The following SLC43A2 variants were observed in gnomAD, a reference collection of about 807,000 sequenced individuals.
SLC43A2 encodes large neutral amino acids transporter small subunit 4.
In SLC43A2, 38 loss-of-function variants were observed where a neutral mutation model predicts 63.2. That is an observed-to-expected ratio of 0.60 (90% CI 0.46 to 0.79). The LOEUF (loss-of-function observed/expected upper bound fraction) is 0.79, where lower values mean the gene tolerates loss of function less well. Among genes scored for constraint, SLC43A2 ranks in the 30% least tolerant of loss-of-function variants. The probability of loss-of-function intolerance (pLI) is 0.00; values close to 1 mark genes in which losing one functional copy is unlikely to be tolerated. For missense variants in SLC43A2, 644 were observed against 756.2 expected, an observed-to-expected ratio of 0.85 and a Z score of 1.74; for synonymous variants, 322 against 331.0, an observed-to-expected ratio of 0.97 and a Z score of 0.30.
At position 1,576,749 on chromosome 17, in the gene SLC43A2, T is replaced by C; in HGVS notation, c.1425-29A>G. ...CAGGGCAAGCGACAGCTCACAGCCA[T>C]CCTGCCTCCTGGGCTTTGCTTGGCC... On this transcript the variant is annotated intron_variant, in intron 12 of 13. Coordinates refer to ENST00000301335, the MANE Select transcript of SLC43A2 (RefSeq NM_152346.3). The C allele has an allele frequency of 1.9e-6, 3 of 1,603,274 alleles. No homozygotes were observed. The South Asian group carries it at 3.3e-5, about 18-fold the overall frequency.
intron 6 of SLC43A2, among the ~76,000 whole-genome samples, chr17:1,592,027 G>A (rs919087298): frequency 2.0e-5 from 3 of 152,216 alleles, no homozygotes; most frequent in Non-Finnish European, 2.9e-5. Context: ...CTCCTGGTCC[G>A]TCGGCTTGTC....
At chr17:1,618,576 G>A (rs1300737170) in intron 2 of SLC43A2, among the ~76,000 whole-genome samples, 1 of 152,238 alleles carries the variant, frequency 6.6e-6, no homozygotes, top group East Asian at 1.9e-4. Flanking sequence ...GCAAAGACAT[G>A]TCTAATCCCC....
intron 5 of SLC43A2, among the ~76,000 whole-genome samples, chr17:1,596,225 C>A (rs1316793672): frequency 2.0e-5 from 3 of 151,976 alleles, no homozygotes; most frequent in Non-Finnish European, 4.4e-5. Context: ...GAGGCTGAGA[C>A]AGGAGAATCC....
At chr17:1,597,382 G>A (rs1905401927) in intron 5 of SLC43A2, among the ~76,000 whole-genome samples, 1 of 151,390 alleles carries the variant, frequency 6.6e-6, no homozygotes, top group Non-Finnish European at 1.5e-5. Flanking sequence ...ACGTGCACCT[G>A]TAATCCCAGC....
At chr17:1,576,480 C>A in intron 13 of SLC43A2, 117 bp downstream of exon 13, 2 of 1,208,222 alleles carry the variant, frequency 1.7e-6, no homozygotes, top group Non-Finnish European at 2.3e-6. Flanking sequence ...TTAACCAATC[C>A]TAACCAACGC....
chr17:1,589,809 G>A (rs1380662881), intron 9 of SLC43A2, among the ~76,000 whole-genome samples: 3 of 152,014 alleles, frequency 2.0e-5, no homozygotes, highest in Admixed American at 2.0e-4. Context: ...TAGTAGAGAT[G>A]GGGGTTTCAC....
chr17:1,613,545 C>T (rs1021115182), intron 4 of SLC43A2, among the ~76,000 whole-genome samples: 2 of 152,150 alleles, frequency 1.3e-5, no homozygotes, highest in African/African-American at 4.8e-5. Context: ...CTCTGACTCC[C>T]GGGTTCAAGT....
In SLC43A2 at chr17:1,583,278, G is replaced by T. The variant is rs370279486; in HGVS notation, c.1276C>A (p.Arg426=). 4 of 1,614,164 alleles carry T rather than the reference G, an allele frequency of 2.5e-6. No homozygotes were observed. The highest frequency in any genetic ancestry group is 2.5e-6 in the Non-Finnish European group (3 of 1,180,018). ...AGCAGGTTGGTGAAGGCGAAGGCCC[G>T]CATGGCATTAGTGATCTTCTGGATC... The part of the protein sequence containing the change: ...RQIQKITNAM[R]AFAFTNLLLV... Residue 426 remains arginine (R), a synonymous_variant, in exon 11 of 14, where the codon CGG becomes AGG. Coordinates refer to ENST00000301335, the MANE Select transcript of SLC43A2 (RefSeq NM_152346.3). This position sits in a 1 kb window ranked among gnomAD's most constrained non-coding sequence, Gnocchi z 5.5.
chr17:1,580,273 A>G (rs2075992109), intron 11 of SLC43A2, among the ~76,000 whole-genome samples: 1 of 152,156 alleles, frequency 6.6e-6, no homozygotes, highest in Admixed American at 6.5e-5. Context: ...CTCCAGTTCC[A>G]CAGTCAGTGG....
chr17:1,586,422 C>T (rs745825082), intron 9 of SLC43A2, among the ~76,000 whole-genome samples: 6 of 152,092 alleles, frequency 3.9e-5, no homozygotes, highest in South Asian at 2.1e-4. Flanking sequence ...AACGGCTGGG[C>T]GCGGTGGCTC....
chr17:1,582,021 A>G (rs946060244), intron 11 of SLC43A2, among the ~76,000 whole-genome samples: 14 of 149,504 alleles, frequency 9.4e-5, no homozygotes, highest in East Asian at 2.0e-4. Flanking sequence ...TGGATAGGCT[A>G]GTCTCAAACT....
intron 13 of SLC43A2, among the ~76,000 whole-genome samples, chr17:1,576,073 C>CTTT (rs56013428): frequency 2.8e-4 from 23 of 81,524 alleles, no homozygotes; most frequent in East Asian, 6.8e-4. Flanking sequence ...GAACTGTGTT[C>CTTT]TTTTTTTTTT....
rs768176610 is a variant in SLC43A2 at position 1,575,670 on chromosome 17, C to G, written c.1644G>C (p.Gln548His). The change falls in exon 14 of 14, where the codon CAG becomes CAC. Residue 548 changes from glutamine to histidine, a missense_variant. Gln to His is a conservative substitution (Grantham distance 24). Around this residue, in one of 3 missense-constraint regions of SLC43A2, gnomAD observed 105 missense variants for 101.7 expected, o/e 1.03. Coordinates refer to ENST00000301335, the MANE Select transcript of SLC43A2 (RefSeq NM_152346.3). ...GGAAGAGTTTGTCATCCTCCTGCCTCTGCTGCAGCTGCCGCTCCAGCTGGC... is the reference window on the plus strand; with the variant it reads ...GGAAGAGTTTGTCATCCTCCTGCCTGTGCTGCAGCTGCCGCTCCAGCTGGC... Reference protein sequence around the residue: ...YRRQLERQLQQRQEDDKLFLK... With the variant: ...YRRQLERQLQHRQEDDKLFLK... 1 of 1,613,680 alleles carries G rather than the reference C, an allele frequency of 6.2e-7. No individual in the cohort carries two copies. The highest frequency in any genetic ancestry group is 2.2e-5 in the East Asian group (1 of 44,898).
rs2075938585 is a variant in SLC43A2, at chr17:1,576,732, GC to G, written c.1425-13del. The G allele has an allele frequency of 6.2e-7, 1 of 1,607,410 alleles. No homozygotes were observed. Among genetic ancestry groups the G allele is most frequent in the African/African-American group, 1.3e-5 (1 of 74,888 alleles). On this transcript the variant is annotated splice_polypyrimidine_tract_variant and intron_variant, in intron 12 of 13. Transcript: ENST00000301335. ...GGGTGGAGGGGTACCTGCAGGGCAA[GC>G]GACAGCTCACAGCCATCCTGCCTCC... is the stretch of plus-strand genomic sequence containing the variant.
At position 1,584,763 on chromosome 17, in the gene SLC43A2, T is replaced by A. The variant is rs1025215874; in HGVS notation, c.1217+1150A>T. Among the ~76,000 whole-genome samples, 3 of 150,046 alleles carry A rather than the reference T, an allele frequency of 2.0e-5. No individual in the cohort carries two copies. In the South Asian group the frequency reaches 6.3e-4, roughly 31 times the overall value. On this transcript the variant is annotated intron_variant, in intron 10 of 13. Transcript: ENST00000301335. ...TGAACCCGGGAGGCGGAGGTTGCAG[T>A]GAGCCGAGATAGAGCCACTGCACTC...
chr17:1,628,997 A>C (rs1450700082), upstream of SLC43A2: 1 of 149,886 alleles, frequency 6.7e-6, no homozygotes, highest in African/African-American at 2.5e-5. Context: ...ACTCGGAGAC[A>C]AACAAGAGAG....
Position 1,591,729 on chromosome 17 carries a change from G to GGGGGA in SLC43A2, c.595-35_595-31dup. On this transcript the variant is annotated intron_variant, in intron 6 of 13. Coordinates refer to ENST00000301335, the MANE Select transcript of SLC43A2 (RefSeq NM_152346.3). ...CAGGCACCGCGGGGACGGGGTGGGG[G>GGGGGA]GGGGAGGGGGCAGAGTTAGCCCGGG... is the stretch of plus-strand genomic sequence containing the variant. 4.7e-6 allele frequency: 4 copies of GGGGGA among 854,746 alleles called. No homozygotes were observed. The Admixed American group carries it at 9.3e-5, about 20-fold the overall frequency. 52.9% of individuals were successfully genotyped at this position (854,746 alleles called of 1,614,324 possible). A position where few individuals can be genotyped will look rare whatever the true frequency, so the allele number is the denominator to read the frequency against.
chr17:1,584,116 A>G (rs2076063706), intron 10 of SLC43A2, among the ~76,000 whole-genome samples: 1 of 152,020 alleles, frequency 6.6e-6, no homozygotes, highest in East Asian at 1.9e-4. Flanking sequence ...GATGGTCTCG[A>G]TCTTCTGACC....
rs1239923755 is a variant in SLC43A2, at chr17:1,593,487, T to C, written c.502-208A>G. ...AGGCTGATGGGGCCAAGGAGGGAGG[T>C]AATGCAGAATACAAGCAGTTGTCTG... On this transcript the variant is annotated intron_variant, in intron 5 of 13. Coordinates refer to ENST00000301335, the MANE Select transcript of SLC43A2 (RefSeq NM_152346.3). The surrounding 1 kb of genome is among the most constrained non-coding windows in gnomAD (Gnocchi z 5.3). Among the ~76,000 whole-genome samples the C allele has an allele frequency of 6.6e-6, 1 of 151,914 alleles. No homozygotes were observed. Among genetic ancestry groups the C allele is most frequent in the African/African-American group, 2.4e-5 (1 of 41,322 alleles).
Sources: allele counts gnomAD v4.1 joint callset (sites outside exome capture counted in the v4.1 genomes callset), GRCh38; gene constraint gnomAD v4.1.1; regional missense constraint gnomAD v4.1.1; non-coding constraint Gnocchi (gnomAD v3.1); transcripts MANE v1.5; gene names NCBI Gene and HGNC (gene_info 2026-07-23, HGNC 2026-07-21).